Variants in DNA2 observed in about 807,000 individuals in gnomAD.
DNA2 encodes the protein DNA replication helicase/nuclease 2, also known as DNA replication ATP-dependent helicase/nuclease DNA2.
Under a neutral mutation model 119.1 loss-of-function variants are expected in DNA2, and 101 were observed. The ratio of observed to expected loss-of-function variants is 0.85; its 90% confidence interval spans 0.72 to 1.00. The LOEUF is 1.00. Among genes scored for constraint, DNA2 ranks in the 50% least tolerant of loss-of-function variants. The pLI is 0.00. For missense variants in DNA2, 1,121 were observed against 1,255.5 expected, an observed-to-expected ratio of 0.89 and a Z score of 1.62; for synonymous variants, 366 against 424.4, an observed-to-expected ratio of 0.86 and a Z score of 1.69.
chr10:68,418,189 G>A (rs1157304507), intron 19 of DNA2, among the ~76,000 whole-genome samples: 7 of 152,166 alleles, frequency 4.6e-5, no homozygotes, highest in Non-Finnish European at 8.8e-5. Context: ...CAAGGCAGGT[G>A]GATCATCTGA....
chr10:68,468,379 CA>C (rs1564899513), intron 2 of DNA2, 73 bp from the exon 3 acceptor site: 1 of 978,514 alleles, frequency 1.0e-6, no homozygotes, highest in Non-Finnish European at 1.4e-6. Context: ...AGGGAGGCTT[CA>C]AAAAAATAAA....
intron 6 of DNA2, among the ~76,000 whole-genome samples, chr10:68,447,678 G>A (rs2052059415): frequency 6.6e-6 from 1 of 151,176 alleles, no homozygotes; most frequent in African/African-American, 2.4e-5. Context: ...AACAGAGGGA[G>A]ACTGTCTTAA....
At position 68,431,220 on chromosome 10, in the gene DNA2, AAAG is replaced by A. The variant is rs1221843179; in HGVS notation, c.1984-563_1984-561del. Among the ~76,000 whole-genome samples the A allele has an allele frequency of 1.8e-3, 264 of 149,692 alleles. 2 individuals are homozygous for A. Among genetic ancestry groups the A allele is most frequent in the Non-Finnish European group, 3.2e-3 (215 of 67,540 alleles). ...AACAAGACTCCATCTCAAAAAAAAA[AAAG>A]AAAAAGAAAAGAAAAAAAGAAATTT... On this transcript the variant is annotated intron_variant, in intron 13 of 20. Coordinates refer to ENST00000358410, the MANE Select transcript of DNA2 (RefSeq NM_001080449.3).
chr10:68,430,726 G>T, intron 13 of DNA2, 66 bp from the exon 14 acceptor site: 1 of 1,217,730 alleles, frequency 8.2e-7, no homozygotes, highest in Non-Finnish European at 1.1e-6. Context: ...TTTTTAACAT[G>T]TTTATAAACT....
At chr10:68,427,178 G>A (rs890841351) in intron 14 of DNA2, among the ~76,000 whole-genome samples, 1 of 151,558 alleles carries the variant, frequency 6.6e-6, no homozygotes, top group Non-Finnish European at 1.5e-5. Context: ...AGACTAGCCT[G>A]GACAACATGG....
intron 4 of DNA2, among the ~76,000 whole-genome samples, chr10:68,463,915 T>C (rs1252206870): frequency 6.6e-6 from 1 of 152,070 alleles, no homozygotes; most frequent in East Asian, 1.9e-4. Flanking sequence ...GAAGACAAAA[T>C]TAGCAATGCT....
At chr10:68,467,437 T>C (rs2052340503) in intron 3 of DNA2, among the ~76,000 whole-genome samples, 1 of 152,108 alleles carries the variant, frequency 6.6e-6, no homozygotes, top group Non-Finnish European at 1.5e-5. Flanking sequence ...TTGAGACTTT[T>C]TATTTTAAAA....
At chr10:68,458,575 A>G (rs1389146474) in intron 5 of DNA2, among the ~76,000 whole-genome samples, 2 of 151,778 alleles carry the variant, frequency 1.3e-5, no homozygotes, top group Non-Finnish European at 2.9e-5. Flanking sequence ...GAGGCTGGGC[A>G]CAGTGGCTCA....
upstream of DNA2, among the ~76,000 whole-genome samples, chr10:68,472,332 C>T (rs1469981784): frequency 1.3e-5 from 2 of 152,182 alleles, no homozygotes; most frequent in Admixed American, 6.5e-5. Context: ...GGTTAGCCTT[C>T]AGAATTGTGC....
In DNA2 at chr10:68,437,073, A is replaced by C. The variant is rs753596869; in HGVS notation, c.1584T>G (p.Phe528Leu). ...CCTTCACATATCCTCTAGACAAAGC[A>C]AACAGTGACCTTTCTTCTCCACTTA... ...VIVSGEERSL[F>L]ALSRGYVKEI... Residue 528 changes from phenylalanine (F) to leucine (L), a missense_variant, in exon 10 of 21, where the codon TTT becomes TTG. Phe to Leu is a conservative substitution (Grantham distance 22). Coordinates refer to ENST00000358410, the MANE Select transcript of DNA2 (RefSeq NM_001080449.3). The C allele has an allele frequency of 1.1e-5, 17 of 1,613,990 alleles. No homozygotes were observed. The highest frequency in any genetic ancestry group is 1.4e-5 in the Non-Finnish European group (16 of 1,179,876).
intron 13 of DNA2, among the ~76,000 whole-genome samples, chr10:68,431,032 T>C (rs563811090): frequency 6.9e-4 from 105 of 152,036 alleles, no homozygotes; most frequent in African/African-American, 2.3e-3. Context: ...CCCAGCTACT[T>C]GGGAGGCTTA....
intron 4 of DNA2, 122 bp from the exon 5 acceptor site, chr10:68,459,357 A>C: frequency 2.0e-6 from 2 of 1,012,986 alleles, no homozygotes. Flanking sequence ...CATATAAGCA[A>C]CCCAACTGTT....
chr10:68,442,873 A>C, intron 9 of DNA2, 44 bp downstream of exon 9: 1 of 1,504,980 alleles, frequency 6.6e-7, no homozygotes, highest in South Asian at 1.3e-5. Context: ...CTCATTCACT[A>C]ATCCAAACTA....
At chr10:68,424,676 G>GC (rs1258736266) in intron 14 of DNA2, 1 of 1,606,824 alleles carries the variant, frequency 6.2e-7, no homozygotes, top group East Asian at 2.2e-5. Context: ...AGGAGCTGCG[G>GC]CAGAAGTACA....
intron 5 of DNA2, among the ~76,000 whole-genome samples, chr10:68,456,135 CTGTT>C (rs934170786): frequency 2.6e-5 from 4 of 151,746 alleles, no homozygotes; most frequent in African/African-American, 4.8e-5. Flanking sequence ...GGTGGAATGA[CTGTT>C]TGAACTCAGG....
intron 18 of DNA2, 175 bp from the exon 19 acceptor site, chr10:68,419,388 G>A: frequency 1.8e-6 from 1 of 569,268 alleles, no homozygotes; most frequent in Non-Finnish European, 3.0e-6. Context: ...ATATTTCCCA[G>A]GATGAAATAA....
chr10:68,417,391 C>CAAAAAAA (rs35777569), intron 19 of DNA2, among the ~76,000 whole-genome samples: 24 of 77,462 alleles, frequency 3.1e-4, no homozygotes, highest in African/African-American at 8.6e-4. Flanking sequence ...ATAAGAAAAC[C>CAAAAAAA]AAAAAAAAAA....
At chr10:68,426,265 C>G (rs1280955196) in intron 14 of DNA2, among the ~76,000 whole-genome samples, 1 of 151,764 alleles carries the variant, frequency 6.6e-6, no homozygotes, top group Non-Finnish European at 1.5e-5. Context: ...CAGCCGGGCA[C>G]AGTGGCTCAC....
chr10:68,457,459 T>C (rs1213609084), intron 5 of DNA2, among the ~76,000 whole-genome samples: 2 of 152,184 alleles, frequency 1.3e-5, no homozygotes, highest in African/African-American at 4.8e-5. Flanking sequence ...TTCTATGGAA[T>C]ATCCCTGCCA....
Sources: gnomAD v4.1 joint callset for allele counts (sites outside exome capture counted in the v4.1 genomes callset) on GRCh38, gnomAD v4.1.1 for gene constraint, MANE v1.5 for transcripts, NCBI Gene and HGNC (gene_info 2026-07-23, HGNC 2026-07-21) for gene names.